AKAP19: variants seen among roughly 807,000 people sequenced by gnomAD.
AKAP19 encodes A-kinase anchoring protein 19, also known as small A-kinase anchoring protein.
chr2:189,894,909 AG>A, the AKAP19 span, among the ~76,000 whole-genome samples: 1 of 151,720 alleles, frequency 6.6e-6, no homozygotes. Flanking sequence ...TTAACCAAAA[AG>A]TACCAATTAC....
chr2:190,048,805 A>C, the AKAP19 span, among the ~76,000 whole-genome samples: 2 of 152,234 alleles, frequency 1.3e-5, no homozygotes, highest in Non-Finnish European at 2.9e-5. Flanking sequence ...ATTTTATATC[A>C]GCAGGGAAAA....
the AKAP19 span, among the ~76,000 whole-genome samples, chr2:190,021,830 T>C: frequency 6.6e-6 from 1 of 152,210 alleles, no homozygotes; most frequent in Admixed American, 6.5e-5. Context: ...TTAGTCTGTT[T>C]CCTGTCTATA....
the AKAP19 span, among the ~76,000 whole-genome samples, chr2:189,900,371 A>C: frequency 1.3e-5 from 2 of 152,134 alleles, no homozygotes; most frequent in Admixed American, 1.3e-4. Context: ...GATGTTTTGC[A>C]TATTATCACA....
At chr2:190,104,361 C>G in the AKAP19 span, among the ~76,000 whole-genome samples, 42 of 152,250 alleles carry the variant, frequency 2.8e-4, no homozygotes, top group African/African-American at 9.1e-4. Context: ...CAAAGAGCTT[C>G]TATAGAGCAA....
At chr2:190,130,786 G>A in the AKAP19 span, among the ~76,000 whole-genome samples, 1 of 152,152 alleles carries the variant, frequency 6.6e-6, no homozygotes, top group African/African-American at 2.4e-5. Flanking sequence ...CAGAGAAAGA[G>A]AATAAGCAAA....
At chr2:190,198,897 A>G in the AKAP19 span, among the ~76,000 whole-genome samples, 2 of 152,196 alleles carry the variant, frequency 1.3e-5, no homozygotes, top group Non-Finnish European at 2.9e-5. Context: ...ATTGTCATCT[A>G]TTTATTGACC....
At chr2:190,099,516 T>C in the AKAP19 span, among the ~76,000 whole-genome samples, 7 of 152,154 alleles carry the variant, frequency 4.6e-5, no homozygotes, top group Non-Finnish European at 1.0e-4. Flanking sequence ...AAATCACTGA[T>C]CATAGATCAC....
At chr2:190,183,793 A>G in the AKAP19 span, among the ~76,000 whole-genome samples, 3 of 151,862 alleles carry the variant, frequency 2.0e-5, no homozygotes, top group Non-Finnish European at 4.4e-5. Flanking sequence ...ATGTGAAGGC[A>G]TGGACTATTT....
At chr2:190,152,052 C>T in the AKAP19 span, among the ~76,000 whole-genome samples, 2 of 151,298 alleles carry the variant, frequency 1.3e-5, no homozygotes, top group Non-Finnish European at 2.9e-5. Flanking sequence ...GGCCAGGCTC[C>T]ATGGCTCACT....
chr2:189,932,049 T>A, the AKAP19 span, among the ~76,000 whole-genome samples: 1 of 152,212 alleles, frequency 6.6e-6, no homozygotes, highest in Non-Finnish European at 1.5e-5. Context: ...TGGTCCAGAA[T>A]CCCTCATCGT....
chr2:189,922,168 C>T, the AKAP19 span, among the ~76,000 whole-genome samples: 2 of 152,130 alleles, frequency 1.3e-5, no homozygotes, highest in African/African-American at 4.8e-5. Context: ...TAAAGAAGTT[C>T]TGTTTGGCTG....
chr2:189,973,121 G>A, the AKAP19 span, among the ~76,000 whole-genome samples: 1 of 152,164 alleles, frequency 6.6e-6, no homozygotes, highest in Non-Finnish European at 1.5e-5. Context: ...CTGTGGGTTT[G>A]TCATAAATAG....
the AKAP19 span, among the ~76,000 whole-genome samples, chr2:190,048,589 A>C: frequency 6.6e-6 from 1 of 152,236 alleles, no homozygotes; most frequent in South Asian, 2.1e-4. Flanking sequence ...ATCCATAATA[A>C]TTAAAAAGAA....
At chr2:190,018,903 G>T in the AKAP19 span, among the ~76,000 whole-genome samples, 1 of 152,314 alleles carries the variant, frequency 6.6e-6, no homozygotes, top group African/African-American at 2.4e-5. Flanking sequence ...CACTGTCTTT[G>T]CTCTGAGTTT....
the AKAP19 span, chr2:190,203,262 A>G: frequency 6.0e-6 from 1 of 167,054 alleles, no homozygotes; most frequent in Non-Finnish European, 1.5e-5. Flanking sequence ...CTTAATCACA[A>G]TGCCCTCAAC....
At chr2:189,999,154 G>GT in the AKAP19 span, among the ~76,000 whole-genome samples, 2,125 of 146,250 alleles carry the variant, frequency 0.015, 31 homozygotes, top group African/African-American at 0.043. Context: ...TATTTTTCCA[G>GT]TTTTTTTTTT....
At chr2:189,882,560 C>A in the AKAP19 span, among the ~76,000 whole-genome samples, 1 of 152,254 alleles carries the variant, frequency 6.6e-6, no homozygotes, top group South Asian at 2.1e-4. Flanking sequence ...ATTCCTTGAT[C>A]AGCCTTTCAT....
At chr2:190,013,830 T>C in the AKAP19 span, among the ~76,000 whole-genome samples, 1 of 152,188 alleles carries the variant, frequency 6.6e-6, no homozygotes, top group Non-Finnish European at 1.5e-5. Context: ...CTCTTTATTT[T>C]TTAGTCTAGC....
At chr2:190,149,565 T>C in the AKAP19 span, among the ~76,000 whole-genome samples, 1 of 152,166 alleles carries the variant, frequency 6.6e-6, no homozygotes, top group African/African-American at 2.4e-5. Context: ...TCCATCTTTA[T>C]TTTGTTTTTG....
Sources: gnomAD v4.1 joint callset for allele counts (sites outside exome capture counted in the v4.1 genomes callset) on GRCh38, gnomAD v4.1.1 for gene constraint, MANE v1.5 for transcripts, NCBI Gene and HGNC (gene_info 2026-07-23, HGNC 2026-07-21) for gene names.